Variants in RGL1 observed in about 807,000 individuals in gnomAD.
RGL1 encodes ral guanine nucleotide dissociation stimulator like 1.
A neutral mutation model predicts 95.2 loss-of-function variants in RGL1; 24 were observed. The ratio of observed to expected loss-of-function variants is 0.25; its 90% CI spans 0.18 to 0.35. RGL1 has a LOEUF of 0.35. Ranked by LOEUF, RGL1 falls within the 10% of genes least tolerant of loss-of-function variation. The pLI, the probability that RGL1 is intolerant of heterozygous loss-of-function variation, is 1.00. For missense variants in RGL1, 715 were observed against 936.3 expected, an observed-to-expected ratio of 0.76 and a Z score of 3.08; for synonymous variants, 329 against 344.9, an observed-to-expected ratio of 0.95 and a Z score of 0.51.
intron 1 of RGL1, among the ~76,000 whole-genome samples, chr1:183,658,222 A>G (rs543227802): frequency 6.6e-6 from 1 of 152,336 alleles, no homozygotes; most frequent in East Asian, 1.9e-4. Flanking sequence ...CAGTGGGTGC[A>G]GTGCACCATG....
intron 7 of RGL1, among the ~76,000 whole-genome samples, chr1:183,886,718 TA>T (rs1667130671): frequency 6.6e-6 from 1 of 152,032 alleles, no homozygotes; most frequent in African/African-American, 2.4e-5. Context: ...TAGGGAAATG[TA>T]ATAAAATAAT....
intron 4 of RGL1, among the ~76,000 whole-genome samples, chr1:183,871,677 T>G (rs760643444): frequency 1.3e-5 from 2 of 152,196 alleles, no homozygotes; most frequent in Non-Finnish European, 2.9e-5. Context: ...AAAAGAACTT[T>G]AAAGAAGGAA....
At chr1:183,818,642 G>A (rs533581776) in intron 2 of RGL1, among the ~76,000 whole-genome samples, 77 of 152,276 alleles carry the variant, frequency 5.1e-4, no homozygotes, top group Non-Finnish European at 9.6e-4. Flanking sequence ...ATGAAAGGGC[G>A]GGGGCCATAT....
chr1:183,790,965 AAG>A (rs1660417118), intron 2 of RGL1, among the ~76,000 whole-genome samples: 1 of 152,196 alleles, frequency 6.6e-6, no homozygotes, highest in East Asian at 1.9e-4. Flanking sequence ...GGAAGGAGAG[AAG>A]AGAGAGGAAA....
intron 2 of RGL1, among the ~76,000 whole-genome samples, chr1:183,775,700 T>C (rs1659555906): frequency 6.6e-6 from 1 of 152,244 alleles, no homozygotes; most frequent in African/African-American, 2.4e-5. Context: ...TATGGGAAGA[T>C]TGAATATACA....
intron 2 of RGL1, among the ~76,000 whole-genome samples, chr1:183,749,151 C>G (rs185293947): frequency 6.6e-6 from 1 of 152,276 alleles, no homozygotes; most frequent in East Asian, 1.9e-4. Context: ...TGGTCCAGAG[C>G]TGAGTTCAAG....
intron 1 of RGL1, among the ~76,000 whole-genome samples, chr1:183,659,630 T>C (rs1337750553): frequency 6.6e-6 from 1 of 152,030 alleles, no homozygotes. Flanking sequence ...TGGAAAACAC[T>C]CTGCAGGGTA....
At chr1:183,742,347 C>CTATAAA in intron 2 of RGL1, 1 of 1,601,826 alleles carries the variant, frequency 6.2e-7, no homozygotes, top group Non-Finnish European at 8.5e-7. Flanking sequence ...ATACCTGAGA[C>CTATAAA]CATAATTCTT....
intron 1 of RGL1, among the ~76,000 whole-genome samples, chr1:183,649,182 T>C (rs1650537231): frequency 6.6e-6 from 1 of 152,196 alleles, no homozygotes; most frequent in African/African-American, 2.4e-5. Flanking sequence ...GTCTGTAAAA[T>C]GAAGATATTA....
intron 1 of RGL1, among the ~76,000 whole-genome samples, chr1:183,682,533 T>C (rs1653289703): frequency 6.6e-6 from 1 of 152,302 alleles, no homozygotes; most frequent in Middle Eastern, 3.4e-3. Context: ...TCTGAGAGAC[T>C]GTTTTTTATG....
intron 2 of RGL1, among the ~76,000 whole-genome samples, chr1:183,828,912 T>C (rs191695146): frequency 1.1e-3 from 167 of 151,768 alleles, no homozygotes; most frequent in African/African-American, 4.0e-3. Flanking sequence ...AGGAAGAGAG[T>C]TGGAGAGGAG....
intron 2 of RGL1, among the ~76,000 whole-genome samples, chr1:183,836,535 C>T (rs889239258): frequency 3.3e-5 from 5 of 151,974 alleles, no homozygotes; most frequent in Non-Finnish European, 5.9e-5. Flanking sequence ...TTCCAAAGTG[C>T]GGGAATACAG....
chr1:183,692,127 C>A (rs1653980337), intron 1 of RGL1, among the ~76,000 whole-genome samples: 1 of 151,830 alleles, frequency 6.6e-6, no homozygotes, highest in African/African-American at 2.4e-5. Context: ...TCTATAAAGT[C>A]ATATATGTGG....
In RGL1 at chr1:183,883,661, T is replaced by G. The variant is rs1428356441; in HGVS notation, c.611-125T>G. 3 of 965,518 alleles carry G rather than the reference T, an allele frequency of 3.1e-6. No homozygotes were observed. In the African/African-American group the frequency reaches 4.9e-5, roughly 16 times the overall value. 59.8% of individuals were successfully genotyped at this position (965,518 alleles called of 1,614,324 possible). The stretch of plus-strand genomic sequence containing the variant: ...CTCAGATGCATTGTGCTTGTGGTTG[T>G]CTCCCTGTGGCTGTTCTGGAGGATT... On this transcript the variant is annotated intron_variant, in intron 5 of 17. Transcript: ENST00000360851.
Position 183,921,591 on chromosome 1 carries a change from T to A in RGL1, c.2005-631T>A, listed in dbSNP as rs930752305. 2.0e-5 allele frequency among the ~76,000 whole-genome samples: 3 copies of A among 152,384 alleles called. No individual in the cohort carries two copies. The South Asian group carries it at 6.2e-4, about 32-fold the overall frequency. The stretch of plus-strand genomic sequence containing the variant: ...TCCCTTCAGTTGCTCAGTAGGATTC[T>A]ATTATGAATATACTACGATTTATTC... On this transcript the variant is annotated intron_variant, in intron 16 of 17. Transcript: ENST00000360851.
chr1:183,830,752 CA>C (rs1162883991), intron 2 of RGL1, among the ~76,000 whole-genome samples: 1 of 151,804 alleles, frequency 6.6e-6, no homozygotes, highest in East Asian at 1.9e-4. Flanking sequence ...AATTGGTCTT[CA>C]AAAAAATCTC....
chr1:183,759,905 T>C (rs745516062), intron 2 of RGL1, among the ~76,000 whole-genome samples: 1 of 152,226 alleles, frequency 6.6e-6, no homozygotes, highest in Non-Finnish European at 1.5e-5. Context: ...ATCCTTGATT[T>C]TTCTGGTCAG....
chr1:183,730,292 C>T (rs1656555125), intron 1 of RGL1, among the ~76,000 whole-genome samples: 1 of 152,104 alleles, frequency 6.6e-6, no homozygotes, highest in East Asian at 1.9e-4. Context: ...AAGCAACTTC[C>T]CACTTAAATA....
At chr1:183,808,214 CTG>C (rs1433843380) in intron 2 of RGL1, among the ~76,000 whole-genome samples, 1 of 152,216 alleles carries the variant, frequency 6.6e-6, no homozygotes, top group Non-Finnish European at 1.5e-5. Context: ...TCCCCACTGA[CTG>C]TTCTCTTCAC....
Sources: gnomAD v4.1 joint callset for allele counts (sites outside exome capture counted in the v4.1 genomes callset) on GRCh38, gnomAD v4.1.1 for gene constraint, MANE v1.5 for transcripts, NCBI Gene and HGNC (gene_info 2026-07-23, HGNC 2026-07-21) for gene names.